ZNF799: variants seen among roughly 807,000 people sequenced by gnomAD.
ZNF799 encodes zinc finger protein 14.
Under a neutral mutation model 41.0 loss-of-function variants are expected in ZNF799, and 28 were observed. The observed-to-expected ratio is 0.68, with a 90% CI of 0.51 to 0.94. The LOEUF (loss-of-function observed/expected upper bound fraction) is 0.94. Among genes scored for constraint, ZNF799 ranks in the 40% least tolerant of loss-of-function variants. ZNF799 has a pLI of 0.00. For missense variants in ZNF799, 716 were observed against 764.3 expected (o/e 0.94, Z 0.74); for synonymous variants, 213 against 252.9 (o/e 0.84, Z 1.50).
At chr19:12,394,764 AGTC>A in intron 1 of ZNF799, 1 of 985,206 alleles carries the variant, frequency 1.0e-6, no homozygotes, top group Non-Finnish European at 1.2e-6. Flanking sequence ...ATCTTTTAGT[AGTC>A]AACAAAAATT....
At chr19:12,405,452 G>A (rs1030723541), upstream of ZNF799, among the ~76,000 whole-genome samples, 11 of 152,056 alleles carry the variant, frequency 7.2e-5, no homozygotes, top group African/African-American at 2.7e-4. Flanking sequence ...CTGATCCCTA[G>A]GTTTAATTAA....
At chr19:12,397,460 G>T (rs1969911621) in intron 1 of ZNF799, among the ~76,000 whole-genome samples, 1 of 150,072 alleles carries the variant, frequency 6.7e-6, no homozygotes, top group Non-Finnish European at 1.5e-5. Flanking sequence ...AGCTACTCAG[G>T]AAAGCAAGTA....
chr19:12,410,419 C>T, the ZNF799 span, among the ~76,000 whole-genome samples: 4 of 151,624 alleles, frequency 2.6e-5, no homozygotes, highest in South Asian at 8.3e-4. Flanking sequence ...CAAGCATGAA[C>T]CATAATGCCC....
At chr19:12,399,855 G>A (rs532349693) in intron 1 of ZNF799, among the ~76,000 whole-genome samples, 2 of 152,134 alleles carry the variant, frequency 1.3e-5, no homozygotes, top group South Asian at 4.1e-4. Context: ...TTGCCATGTT[G>A]CCCAGGCTGG....
Position 12,391,248 on chromosome 19 carries a change from T to A in ZNF799, c.1150A>T (p.Met384Leu), listed in dbSNP as rs202183811. 4 of 1,614,184 alleles carry A rather than the reference T, an allele frequency of 2.5e-6. No homozygotes were observed. Among genetic ancestry groups the A allele is most frequent in the Non-Finnish European group, 3.4e-6 (4 of 1,179,998 alleles). ...LSHSSSFRRH[M>L]TMHTGDGPHK... ...GGTCCATCTCCAGTGTGCATTGTCA[T>A]GTGTCTTCGAAAGCTTGAGCTATGA... is the stretch of plus-strand genomic sequence containing the variant. Residue 384 changes from methionine to leucine, a missense_variant, in exon 4 of 4, where the codon ATG (methionine) becomes TTG (leucine). Transcript: ENST00000430385.
At chr19:12,396,450 G>C (rs1969895224) in intron 1 of ZNF799, among the ~76,000 whole-genome samples, 1 of 152,236 alleles carries the variant, frequency 6.6e-6, no homozygotes, top group South Asian at 2.1e-4. Context: ...AGGAGTTTGA[G>C]ACCAGCCTGG....
At position 12,390,281 on chromosome 19, in the gene ZNF799, G is replaced by C. The variant is rs1969787215; in HGVS notation, c.*185C>G. On this transcript the variant is annotated 3_prime_UTR_variant, in exon 4 of 4. Transcript: ENST00000430385. ...TAAAAGGGACTGGACATGGCTCACG[G>C]AGTGCTGGAACCAATACCCAGCAGG... 9.5e-7 allele frequency: 1 copy of C among 1,056,656 alleles called. No individual in the cohort carries two copies. The highest frequency in any genetic ancestry group is 2.9e-5 in the Admixed American group (1 of 35,004). The allele number at this position is 1,056,656 out of a possible 1,614,324, so 65.5% of individuals were successfully genotyped here.
chr19:12,397,689 T>A (rs1451119020), intron 1 of ZNF799, among the ~76,000 whole-genome samples: 1 of 151,172 alleles, frequency 6.6e-6, no homozygotes, highest in East Asian at 1.9e-4. Context: ...AAAAGGAAGT[T>A]GAAAAAAACC....
rs190938698 is a variant in ZNF799, at chr19:12,390,047, T to C, written c.*419A>G. 4.5e-4 allele frequency: 97 copies of C among 213,222 alleles called. No homozygotes were observed. The highest frequency in any genetic ancestry group is 7.6e-4 in the Non-Finnish European group (81 of 106,212). The allele number at this position is 213,222 out of a possible 1,614,324, so 13.2% of individuals were successfully genotyped here. A position where few individuals can be genotyped will look rare whatever the true frequency, so the allele number is the denominator to read the frequency against. ...TTGAAACAAAGAAACTTTAATGTTCTGGCTGACTATACTATGTTGATAGGC... is the reference window on the plus strand; with the variant it reads ...TTGAAACAAAGAAACTTTAATGTTCCGGCTGACTATACTATGTTGATAGGC... On this transcript the variant is annotated 3_prime_UTR_variant, in exon 4 of 4. Transcript: ENST00000430385.
intron 1 of ZNF799, chr19:12,394,538 T>C (rs1180261241): frequency 3.1e-6 from 3 of 972,592 alleles, no homozygotes; most frequent in Non-Finnish European, 3.7e-6. Context: ...ACAGAGAATA[T>C]TTGGAAGCTG....
At position 12,391,243 on chromosome 19, in the gene ZNF799, T is replaced by C; in HGVS notation, c.1155A>G (p.Thr385=). Residue 385 remains threonine, a synonymous_variant, in exon 4 of 4, where the codon ACA becomes ACG. Transcript: ENST00000430385. Reference sequence around the variant, plus strand: ...TGTGAGGTCCATCTCCAGTGTGCATTGTCATGTGTCTTCGAAAGCTTGAGC... The same window carrying C: ...TGTGAGGTCCATCTCCAGTGTGCATCGTCATGTGTCTTCGAAAGCTTGAGC... ...SHSSSFRRHM[T]MHTGDGPHKC... is the part of the protein sequence containing the mutation. 1.2e-6 allele frequency: 2 copies of C among 1,614,184 alleles called. No individual in the cohort carries two copies. Among genetic ancestry groups the C allele is most frequent in the Middle Eastern group, 1.6e-4 (1 of 6,062 alleles).
intron 1 of ZNF799, among the ~76,000 whole-genome samples, chr19:12,395,732 C>G (rs1037717432): frequency 6.6e-6 from 1 of 151,968 alleles, no homozygotes; most frequent in Non-Finnish European, 1.5e-5. Flanking sequence ...AGAAGAAACC[C>G]TCATTTTCAC....
the ZNF799 span, among the ~76,000 whole-genome samples, chr19:12,410,254 CATATATAT>C: frequency 0.033 from 2,022 of 61,708 alleles, 24 homozygotes; most frequent in African/African-American, 0.037. Flanking sequence ...TGTCTGTGTG[CATATATAT>C]ATATATATAT....
At position 12,391,586 on chromosome 19, in the gene ZNF799, T is replaced by G; in HGVS notation, c.812A>C (p.His271Pro). The part of the protein sequence containing the change: ...AFPDYSSCLR[H>P]ERTHTGKKPY... ...TTTCTTTCCAGTGTGAGTTCTTTCATGTCTTAGACAAGAACTGTAATCAGG... is the reference window on the plus strand; with the variant it reads ...TTTCTTTCCAGTGTGAGTTCTTTCAGGTCTTAGACAAGAACTGTAATCAGG... Residue 271 changes from histidine to proline, a missense_variant, in exon 4 of 4, where the codon CAT becomes CCT. This residue lies in a region of ZNF799 where 698 missense variants were observed against 713.6 expected (regional missense o/e 0.98). Transcript: ENST00000430385. 6.2e-7 allele frequency: 1 copy of G among 1,614,210 alleles called. No homozygotes were observed. Among genetic ancestry groups the G allele is most frequent in the Non-Finnish European group, 8.5e-7 (1 of 1,180,020 alleles).
Position 12,390,581 on chromosome 19 carries a change from T to C in ZNF799, c.1817A>G (p.His606Arg), listed in dbSNP as rs891127034. ...AGTTTTTTTCCAGTGAGTCTTTTTATGTCTATGCAAGGAACTGAGAGAAGC... is the reference window on the plus strand; with the variant it reads ...AGTTTTTTTCCAGTGAGTCTTTTTACGTCTATGCAAGGAACTGAGAGAAGC... The part of the protein sequence containing the change: ...AFASLSSLHR[H>R]KKTHWKKTHT... The change falls in exon 4 of 4, where the codon CAT becomes CGT. Residue 606 changes from histidine to arginine, a missense_variant. Around this residue, in one of 2 missense-constraint regions of ZNF799, gnomAD observed 698 missense variants for 713.6 expected, o/e 0.98. Coordinates refer to ENST00000430385, the MANE Select transcript of ZNF799 (RefSeq NM_001080821.3). The C allele has an allele frequency of 6.2e-7, 1 of 1,613,710 alleles. No individual in the cohort carries two copies. Among genetic ancestry groups the C allele is most frequent in the Non-Finnish European group, 8.5e-7 (1 of 1,179,828 alleles).
At chr19:12,395,480 T>C (rs1221699886) in intron 1 of ZNF799, among the ~76,000 whole-genome samples, 2 of 152,042 alleles carry the variant, frequency 1.3e-5, no homozygotes, top group Non-Finnish European at 2.9e-5. Flanking sequence ...TACAACACGA[T>C]CAGGGTCCAA....
Position 12,390,805 on chromosome 19 carries a change from C to A in ZNF799, c.1593G>T (p.Pro531=). 6.2e-7 allele frequency: 1 copy of A among 1,613,970 alleles called. No individual in the cohort carries two copies. The highest frequency in any genetic ancestry group is 8.5e-7 in the Non-Finnish European group (1 of 1,179,954). ...CTTTCCCACATTCCTTACATTCATA[C>A]GGCTTCTCTCCAGAGTGAATTCTTT... is the stretch of plus-strand genomic sequence containing the variant. The part of the protein sequence containing the change: ...VHERIHSGEK[P]YECKECGKAF... The change falls in exon 4 of 4, where the codon CCG becomes CCT. Residue 531 remains proline (P), a synonymous_variant. Transcript: ENST00000430385.
At chr19:12,395,136 C>T (rs1433430856) in intron 1 of ZNF799, 1 of 150,274 alleles carries the variant, frequency 6.7e-6, no homozygotes, top group African/African-American at 2.5e-5. Flanking sequence ...TGAAACAAAG[C>T]TGTCTTTTTT....
the ZNF799 span, among the ~76,000 whole-genome samples, chr19:12,414,605 C>T: frequency 6.6e-6 from 1 of 152,200 alleles, no homozygotes. Context: ...CCCACCTTAT[C>T]TCTCAATCTA....
Sources: allele counts gnomAD v4.1 joint callset (sites outside exome capture counted in the v4.1 genomes callset), GRCh38; gene constraint gnomAD v4.1.1; regional missense constraint gnomAD v4.1.1; transcripts MANE v1.5; gene names NCBI Gene and HGNC (gene_info 2026-07-23, HGNC 2026-07-21).